CCAR1: variants seen among roughly 807,000 people sequenced by gnomAD.
CCAR1 encodes cell division cycle and apoptosis regulator protein 1.
CCAR1 carries 78 observed loss-of-function variants against 163.8 expected under a neutral mutation model. The observed-to-expected ratio is 0.48, with a 90% confidence interval of 0.40 to 0.57. The LOEUF is 0.57. CCAR1 is among the 20% of genes least tolerant of loss of function. The pLI, the probability that CCAR1 is intolerant of heterozygous loss-of-function variation, is 0.00. For missense variants in CCAR1, 1,019 were observed against 1,365.2 expected, an observed-to-expected ratio of 0.75 and a Z score of 4.00; for synonymous variants, 443 against 460.7, an observed-to-expected ratio of 0.96 and a Z score of 0.49.
intron 2 of CCAR1, among the ~76,000 whole-genome samples, chr10:68,734,881 T>G (rs2056087492): frequency 6.6e-6 from 1 of 152,176 alleles, no homozygotes; most frequent in African/African-American, 2.4e-5. Context: ...AAAACCTTTA[T>G]CATATTCTCC....
At chr10:68,726,274 C>T (rs2055945146) in intron 2 of CCAR1, among the ~76,000 whole-genome samples, 1 of 151,864 alleles carries the variant, frequency 6.6e-6, no homozygotes, top group Non-Finnish European at 1.5e-5. Context: ...GCCTCAGCCT[C>T]CCAAGTAGCT....
Position 68,771,302 on chromosome 10 carries a change from AAAAAAG to A in CCAR1, c.2400_2405del (p.Glu801_Lys802del), listed in dbSNP as rs760429270. 1.1e-5 allele frequency: 17 copies of A among 1,608,444 alleles called. No homozygotes were observed. Among genetic ancestry groups the A allele is most frequent in the Non-Finnish European group, 1.4e-5 (17 of 1,176,772 alleles). The stretch of plus-strand genomic sequence containing the variant: ...ACTGTCTCTTCCTGAGAAAGAGGAC[AAAAAAG>A]AAAAGGATAAAAAAAGCAAAAAAGA... On this transcript the variant is annotated inframe_deletion, in exon 18 of 25. Transcript: ENST00000265872.
chr10:68,767,717 G>A (rs761710254), intron 17 of CCAR1, among the ~76,000 whole-genome samples: 5 of 152,024 alleles, frequency 3.3e-5, no homozygotes, highest in Non-Finnish European at 7.4e-5. Context: ...GCTAATTTTT[G>A]CATGTTGGCC....
At chr10:68,722,636 G>GAATTAGGGCC in intron 2 of CCAR1, 59 bp downstream of exon 2, 1 of 1,326,694 alleles carries the variant, frequency 7.5e-7, no homozygotes, top group African/African-American at 1.4e-5. Flanking sequence ...AAAACTACGT[G>GAATTAGGGCC]AATTAGGGCC....
chr10:68,771,425 G>T lies in CCAR1; in HGVS notation c.2518G>T (p.Glu840Ter). ...ATCAGGCGATGATAAAGATAAAAAA[G>T]AAGATAGAGATGAAAGGAAGGTCTG... The part of the protein sequence containing the change: ...RKSGDDKDKK[E>*]DRDERKKEDK... The change falls in exon 18 of 25, where the codon GAA becomes TAA. Residue 840 changes from glutamate (E) to a stop codon, truncating the protein, a stop_gained. Transcript: ENST00000265872. LOFTEE classifies it high-confidence loss of function. 6.3e-7 allele frequency: 1 copy of T among 1,582,650 alleles called. No homozygotes were observed. The highest frequency in any genetic ancestry group is 1.2e-5 in the South Asian group (1 of 83,966).
chr10:68,755,022 T>C, intron 12 of CCAR1, 195 bp downstream of exon 12: 1 of 590,400 alleles, frequency 1.7e-6, no homozygotes, highest in African/African-American at 1.9e-5. Context: ...TGTACGCTAC[T>C]AGTTCAACAG....
At chr10:68,732,635 C>T (rs2133312737) in intron 2 of CCAR1, among the ~76,000 whole-genome samples, 1 of 152,302 alleles carries the variant, frequency 6.6e-6, no homozygotes, top group East Asian at 1.9e-4. Context: ...AGGTGTGAGC[C>T]ACCATGCCTG....
intron 6 of CCAR1, among the ~76,000 whole-genome samples, chr10:68,742,898 G>A (rs960438983): frequency 3.9e-5 from 6 of 152,134 alleles, no homozygotes; most frequent in African/African-American, 1.4e-4. Context: ...GATTACAGGC[G>A]TGAGACACTG....
intron 19 of CCAR1, among the ~76,000 whole-genome samples, chr10:68,780,946 A>G (rs1431972336): frequency 2.6e-5 from 4 of 152,114 alleles, no homozygotes; most frequent in Non-Finnish European, 4.4e-5. Context: ...AATTAGGCCA[A>G]TTGTGCCAGG....
intron 17 of CCAR1, among the ~76,000 whole-genome samples, chr10:68,769,337 A>G (rs1413625807): frequency 1.3e-5 from 2 of 152,108 alleles, no homozygotes; most frequent in Admixed American, 6.5e-5. Context: ...ATTGGTACAT[A>G]AGGCTGGGTG....
chr10:68,779,625 G>A (rs2056711479), intron 19 of CCAR1, among the ~76,000 whole-genome samples: 1 of 152,108 alleles, frequency 6.6e-6, no homozygotes. Flanking sequence ...TTTAACAAGG[G>A]TAAAAGGAGT....
chr10:68,736,885 G>A lies in CCAR1; in HGVS notation c.83G>A (p.Gly28Asp). ...TTTGATTTCATTTTAGCTGCACTGG[G>A]TGTTCAACAGCCATCACTCCTTGGA... is the stretch of plus-strand genomic sequence containing the variant. ...ATAVSQPAAL[G>D]VQQPSLLGAS... Residue 28 changes from glycine to aspartate, a missense_variant, in exon 3 of 25, where the codon GGT (glycine) becomes GAT (aspartate). Gly to Asp is a moderately conservative substitution (Grantham distance 94). Transcript: ENST00000265872. 3 of 1,604,632 alleles carry A rather than the reference G, an allele frequency of 1.9e-6. No homozygotes were observed. The highest frequency in any genetic ancestry group is 2.6e-6 in the Non-Finnish European group (3 of 1,176,224).
intron 19 of CCAR1, 91 bp downstream of exon 19, chr10:68,773,190 A>AT (rs1478923812): frequency 4.4e-6 from 3 of 676,410 alleles, no homozygotes; most frequent in Non-Finnish European, 4.9e-6. Flanking sequence ...TACTTTTAAC[A>AT]TTTTTTTCTT....
chr10:68,728,992 C>T (rs1485987919), intron 2 of CCAR1, among the ~76,000 whole-genome samples: 2 of 151,022 alleles, frequency 1.3e-5, no homozygotes, highest in African/African-American at 2.4e-5. Flanking sequence ...GTAGAACTTT[C>T]TATGGTAATA....
Position 68,761,117 on chromosome 10 carries a change from A to G in CCAR1, c.2031A>G (p.Glu677=). ...TKQLKVEEQK[E]EQKELEKSEK... The stretch of plus-strand genomic sequence containing the variant: ...AGCTTAAAGTAGAGGAACAAAAAGA[A>G]GAACAGAAGGAGTTAGAGAAATCTG... The change falls in exon 16 of 25, where the codon GAA becomes GAG. Residue 677 remains glutamate, a synonymous_variant. Coordinates refer to ENST00000265872, the MANE Select transcript of CCAR1 (RefSeq NM_018237.4). The G allele has an allele frequency of 6.2e-7, 1 of 1,612,276 alleles. No homozygotes were observed. Among genetic ancestry groups the G allele is most frequent in the Non-Finnish European group, 8.5e-7 (1 of 1,179,098 alleles).
chr10:68,783,642 T>C (rs2056762752), intron 19 of CCAR1, among the ~76,000 whole-genome samples: 1 of 152,110 alleles, frequency 6.6e-6, no homozygotes, highest in African/African-American at 2.4e-5. Context: ...GGTTCAATAA[T>C]TCAGTAGAGG....
intron 19 of CCAR1, chr10:68,774,983 GTATAT>G: frequency 2.6e-6 from 1 of 379,200 alleles, no homozygotes. Flanking sequence ...TTTATTTACG[GTATAT>G]TTTGTTTGCC....
At chr10:68,737,721 C>A in intron 3 of CCAR1, 124 bp from the exon 4 acceptor site, 1 of 454,804 alleles carries the variant, frequency 2.2e-6, no homozygotes, top group Non-Finnish European at 3.9e-6. Context: ...TGAATCAATG[C>A]CACACCAGAA....
chr10:68,726,783 G>T (rs2055953921), intron 2 of CCAR1, among the ~76,000 whole-genome samples: 1 of 151,696 alleles, frequency 6.6e-6, no homozygotes, highest in Non-Finnish European at 1.5e-5. Flanking sequence ...AGATCACGAG[G>T]TCAGGAGTCC....
Sources: gnomAD v4.1 joint callset for allele counts (sites outside exome capture counted in the v4.1 genomes callset) on GRCh38, gnomAD v4.1.1 for gene constraint, MANE v1.5 for transcripts, NCBI Gene and HGNC (gene_info 2026-07-23, HGNC 2026-07-21) for gene names.